WLS: variants seen among roughly 807,000 people sequenced by gnomAD.
The protein encoded by WLS is protein wntless homolog.
In WLS, 23 loss-of-function variants were observed where a neutral mutation model predicts 62.8. That is an observed-to-expected ratio of 0.37 (90% CI 0.26 to 0.52). The LOEUF is 0.52. WLS is among the 20% of genes least tolerant of loss of function. The probability of loss-of-function intolerance (pLI) is 0.92; values close to 1 mark genes in which losing one functional copy is unlikely to be tolerated. For synonymous variants in WLS, 246 were observed against 244.1 expected (o/e 1.01, Z -0.07); for missense variants, 615 against 697.3 (o/e 0.88, Z 1.33).
At chr1:68,185,390 A>C (rs1647866241) in intron 2 of WLS, among the ~76,000 whole-genome samples, 1 of 152,196 alleles carries the variant, frequency 6.6e-6, no homozygotes, top group African/African-American at 2.4e-5. Context: ...AGGGTAAGGC[A>C]TGTGGTATGG....
At chr1:68,138,521 C>T (rs370929141) in intron 10 of WLS, 2 of 152,220 alleles carry the variant, frequency 1.3e-5, no homozygotes, top group East Asian at 1.9e-4. Flanking sequence ...ACCTGCCTGG[C>T]AGGTACTCAG....
intron 2 of WLS, among the ~76,000 whole-genome samples, chr1:68,189,745 A>G (rs1379641121): frequency 6.6e-6 from 1 of 152,236 alleles, no homozygotes; most frequent in Non-Finnish European, 1.5e-5. Flanking sequence ...AGTACTTACT[A>G]TGTCCAGGCT....
intron 11 of WLS, among the ~76,000 whole-genome samples, chr1:68,116,904 A>G (rs1452774224): frequency 6.6e-6 from 1 of 152,172 alleles, no homozygotes; most frequent in Non-Finnish European, 1.5e-5. Flanking sequence ...TTTGAAGGCT[A>G]ACAGAACTGT....
chr1:68,230,550 T>G (rs1650358079), intron 1 of WLS, among the ~76,000 whole-genome samples: 1 of 150,688 alleles, frequency 6.6e-6, no homozygotes, highest in South Asian at 2.1e-4. Context: ...AAACAGAAGC[T>G]CCTAACACAA....
At chr1:68,126,414 C>G (rs1646432364) in intron 11 of WLS, 79 bp from the exon 12 acceptor site, 1 of 1,567,858 alleles carries the variant, frequency 6.4e-7, no homozygotes, top group Non-Finnish European at 8.7e-7. Flanking sequence ...GGACAACTGC[C>G]CTGATGCTAG....
intron 10 of WLS, chr1:68,141,853 G>A (rs551148803): frequency 3.9e-5 from 6 of 152,150 alleles, no homozygotes; most frequent in East Asian, 3.9e-4. Context: ...GCCGGAAAAC[G>A]TCTTAGATGT....
intron 2 of WLS, among the ~76,000 whole-genome samples, chr1:68,167,507 A>G (rs1006095473): frequency 2.0e-5 from 3 of 152,200 alleles, no homozygotes; most frequent in Non-Finnish European, 2.9e-5. Flanking sequence ...AATGAAGGCG[A>G]GGAATCCAAT....
At chr1:68,145,543 A>G (rs766385503) in intron 9 of WLS, among the ~76,000 whole-genome samples, 2 of 152,082 alleles carry the variant, frequency 1.3e-5, no homozygotes, top group Non-Finnish European at 2.9e-5. Flanking sequence ...CCTCATCCCA[A>G]CAAAATCCCA....
chr1:68,154,676 A>G (rs1015268259), intron 4 of WLS, among the ~76,000 whole-genome samples: 1 of 152,202 alleles, frequency 6.6e-6, no homozygotes, highest in Non-Finnish European at 1.5e-5. Flanking sequence ...TTGAGATTGA[A>G]AAGAAATGGC....
At chr1:68,197,656 T>C (rs1010179153) in intron 1 of WLS, among the ~76,000 whole-genome samples, 5 of 152,166 alleles carry the variant, frequency 3.3e-5, no homozygotes, top group Non-Finnish European at 5.9e-5. Context: ...AATTCCCAAG[T>C]GTTTCTTTAT....
At chr1:68,162,322 G>A in intron 2 of WLS, 1 of 1,613,700 alleles carries the variant, frequency 6.2e-7, no homozygotes, top group Non-Finnish European at 8.5e-7. Flanking sequence ...CTGCTTTATG[G>A]TAAAGTCATT....
At chr1:68,193,876 T>G in intron 2 of WLS, 79 bp downstream of exon 2, 1 of 1,527,756 alleles carries the variant, frequency 6.5e-7, no homozygotes, top group Non-Finnish European at 8.8e-7. Flanking sequence ...TTTTTACTTT[T>G]ATTAGAATTG....
At chr1:68,198,441 C>G (rs1648800950) in intron 1 of WLS, among the ~76,000 whole-genome samples, 1 of 152,182 alleles carries the variant, frequency 6.6e-6, no homozygotes, top group South Asian at 2.1e-4. Context: ...AAATGTGATT[C>G]TATATAACAT....
At chr1:68,148,419 T>C in intron 7 of WLS, 144 bp downstream of exon 7, 1 of 935,252 alleles carries the variant, frequency 1.1e-6, no homozygotes, top group Middle Eastern at 2.5e-4. Flanking sequence ...ATCCCAGACC[T>C]TGTCTGAGGA....
At chr1:68,123,079 T>C (rs1646383321), downstream of WLS, among the ~76,000 whole-genome samples, 1 of 152,178 alleles carries the variant, frequency 6.6e-6, no homozygotes, top group African/African-American at 2.4e-5. Context: ...TTTACAAACT[T>C]AGTTCACTTC....
chr1:68,119,450 C>A (rs1422758995), intron 11 of WLS, among the ~76,000 whole-genome samples: 1 of 152,208 alleles, frequency 6.6e-6, no homozygotes, highest in East Asian at 1.9e-4. Context: ...GTAGCAGAGG[C>A]CATGGGTGCC....
intron 2 of WLS, among the ~76,000 whole-genome samples, chr1:68,170,356 C>T (rs1311456852): frequency 2.0e-5 from 3 of 151,656 alleles, no homozygotes; most frequent in African/African-American, 4.8e-5. Context: ...TTAGTAGAGA[C>T]GGGGTTTCTC....
At chr1:68,099,291 G>C (rs1646047839) in intron 11 of WLS, among the ~76,000 whole-genome samples, 1 of 152,126 alleles carries the variant, frequency 6.6e-6, no homozygotes, top group Non-Finnish European at 1.5e-5. Flanking sequence ...AAAAAGATCT[G>C]GTAGGGTGAA....
chr1:68,099,906 G>A (rs150960716), intron 11 of WLS: 1 of 152,120 alleles, frequency 6.6e-6, no homozygotes, highest in African/African-American at 2.4e-5. Context: ...CCTATAACAG[G>A]ATAATATCAC....
Sources: allele counts gnomAD v4.1 joint callset (sites outside exome capture counted in the v4.1 genomes callset), GRCh38; gene constraint gnomAD v4.1.1; transcripts MANE v1.5; gene names NCBI Gene and HGNC (gene_info 2026-07-23, HGNC 2026-07-21).